The following RARB variants were observed in gnomAD, a reference collection of about 807,000 sequenced individuals.
RARB encodes the protein retinoic acid receptor beta.
A neutral mutation model predicts 51.9 loss-of-function variants in RARB; 17 were observed. That is an observed-to-expected ratio of 0.33 (90% confidence interval 0.22 to 0.49). The LOEUF (loss-of-function observed/expected upper bound fraction) is 0.49. Ranked by LOEUF, RARB falls within the 20% of genes least tolerant of loss-of-function variation. The pLI is 0.99. For synonymous variants in RARB, 215 were observed against 195.4 expected (o/e 1.10, Z -0.84); for missense variants, 369 against 550.8 (o/e 0.67, Z 3.30).
intron 5 of RARB, among the ~76,000 whole-genome samples, chr3:25,323,251 G>A (rs996662926): frequency 2.6e-5 from 4 of 152,164 alleles, no homozygotes; most frequent in African/African-American, 4.8e-5. Context: ...GCAAACCACA[G>A]GACCAGCTCA....
At chr3:25,143,849 T>A (rs1358386458) in intron 4 of RARB, among the ~76,000 whole-genome samples, 2 of 152,166 alleles carry the variant, frequency 1.3e-5, no homozygotes, top group African/African-American at 4.8e-5. Flanking sequence ...GAGGATTAAA[T>A]GAAGTGATGT....
intron 5 of RARB, among the ~76,000 whole-genome samples, chr3:25,380,423 G>C (rs570391704): frequency 6.6e-6 from 1 of 152,310 alleles, no homozygotes; most frequent in South Asian, 2.1e-4. Context: ...CCTTAACTCA[G>C]GTTTAGTTTT....
intron 2 of RARB, among the ~76,000 whole-genome samples, chr3:24,944,046 A>G (rs573596087): frequency 1.3e-5 from 2 of 152,328 alleles, no homozygotes; most frequent in South Asian, 4.1e-4. Context: ...CTTGTAATAT[A>G]TTAATGAAGT....
At chr3:25,089,733 A>G (rs1228340818) in intron 3 of RARB, among the ~76,000 whole-genome samples, 1 of 152,164 alleles carries the variant, frequency 6.6e-6, no homozygotes, top group Non-Finnish European at 1.5e-5. Context: ...GAAGCCAAGA[A>G]TATTTACAAT....
chr3:24,986,419 A>T (rs1369097809), intron 2 of RARB, among the ~76,000 whole-genome samples: 1 of 152,222 alleles, frequency 6.6e-6, no homozygotes, highest in Non-Finnish European at 1.5e-5. Context: ...ATTTTAGAAA[A>T]CTAAAAAGTT....
chr3:25,538,513 C>T (rs1354004201), intron 3 of RARB, among the ~76,000 whole-genome samples: 1 of 152,114 alleles, frequency 6.6e-6, no homozygotes, highest in African/African-American at 2.4e-5. Context: ...AAAGTATGGT[C>T]CATGGACCAG....
chr3:25,005,578 A>C (rs1002834158), intron 2 of RARB, among the ~76,000 whole-genome samples: 4 of 152,314 alleles, frequency 2.6e-5, no homozygotes, highest in Admixed American at 6.5e-5. Context: ...CTTAAGAGAT[A>C]GCAAGATGGA....
At chr3:25,146,971 A>C (rs1320468751) in intron 4 of RARB, among the ~76,000 whole-genome samples, 1 of 152,156 alleles carries the variant, frequency 6.6e-6, no homozygotes, top group Non-Finnish European at 1.5e-5. Flanking sequence ...TGTTTTTAAC[A>C]CTATGAATGC....
intron 2 of RARB, among the ~76,000 whole-genome samples, chr3:24,975,242 C>G (rs1275544419): frequency 6.6e-6 from 1 of 152,058 alleles, no homozygotes; most frequent in Non-Finnish European, 1.5e-5. Context: ...AATTCTATCT[C>G]CCTAATGTTA....
intron 3 of RARB, among the ~76,000 whole-genome samples, chr3:25,081,872 A>G (rs1264696746): frequency 6.6e-6 from 1 of 151,446 alleles, no homozygotes; most frequent in Admixed American, 6.6e-5. Context: ...ACCTCAGGTG[A>G]TCCGCCTGCC....
chr3:25,236,631 G>T (rs941526370), intron 5 of RARB, among the ~76,000 whole-genome samples: 1 of 152,010 alleles, frequency 6.6e-6, no homozygotes, highest in African/African-American at 2.4e-5. Context: ...GCATATAAAA[G>T]CGCTGGTGCT....
chr3:25,468,901 G>A (rs948627325), intron 2 of RARB, among the ~76,000 whole-genome samples: 1 of 152,180 alleles, frequency 6.6e-6, no homozygotes, highest in Non-Finnish European at 1.5e-5. Context: ...ACCTTTGGGG[G>A]CCACAATCCA....
intron 5 of RARB, among the ~76,000 whole-genome samples, chr3:25,592,177 C>T (rs969771482): frequency 2.0e-5 from 3 of 152,180 alleles, no homozygotes; most frequent in African/African-American, 7.2e-5. Flanking sequence ...CCTCAGAGGC[C>T]ACTCCTCTCT....
intron 5 of RARB, among the ~76,000 whole-genome samples, chr3:25,409,451 A>G (rs1360085604): frequency 6.6e-6 from 1 of 152,006 alleles, no homozygotes; most frequent in Non-Finnish European, 1.5e-5. Context: ...TCATAGACTC[A>G]GTTTATTCAA....
intron 1 of RARB, among the ~76,000 whole-genome samples, chr3:25,460,464 T>TTTA (rs1559414270): frequency 1.4e-4 from 10 of 73,664 alleles, no homozygotes; most frequent in Non-Finnish European, 2.2e-4. Flanking sequence ...TTATTTATTT[T>TTTA]TGAGACGGAG....
At position 25,040,622 on chromosome 3, in the gene RARB, GGGAGACTGAGGCAGAAGCTACTCA is replaced by G. The variant is rs1354711578; in HGVS notation, c.-379-19485_-379-19462del. Among the ~76,000 whole-genome samples the G allele has an allele frequency of 2.6e-5, 4 of 152,024 alleles. No individual in the cohort carries two copies. In the South Asian group the frequency reaches 6.2e-4, roughly 24 times the overall value. On this transcript the variant is annotated intron_variant, in intron 2 of 11. Coordinates refer to the RARB transcript ENST00000383772. Reference sequence around the variant, plus strand: ...GTGGTGCATGCCTATTGTCCTGCTCGGGAGACTGAGGCAGAAGCTACTCAGGAGACTGAGGCAGAAGAATTGCTT... The same window carrying G: ...GTGGTGCATGCCTATTGTCCTGCTCGGGAGACTGAGGCAGAAGAATTGCTT...
chr3:24,921,193 ACTT>A (rs1342318244), intron 2 of RARB, among the ~76,000 whole-genome samples: 6 of 152,026 alleles, frequency 3.9e-5, no homozygotes, highest in Admixed American at 1.3e-4. Context: ...TCAGTTTCTG[ACTT>A]CTTCTTTAAA....
rs73141458 is a variant in RARB, at chr3:25,082,608, G to T, written c.-328+22432G>T. On this transcript the variant is annotated intron_variant, in intron 3 of 11. Coordinates refer to the RARB transcript ENST00000383772. ...TTTCTCTAATGTCTTTTACCTTTAG[G>T]TATTTTATGAAATCCAGAGCACATT... 9.6e-3 allele frequency among the ~76,000 whole-genome samples: 1,461 copies of T among 151,706 alleles called. 19 individuals are homozygous for T. The highest frequency in any genetic ancestry group is 0.033 in the African/African-American group (1,383 of 41,374).
chr3:25,136,389 G>A (rs902890195), intron 4 of RARB, among the ~76,000 whole-genome samples: 2 of 151,954 alleles, frequency 1.3e-5, no homozygotes, highest in African/African-American at 4.8e-5. Context: ...AAAAATTCAA[G>A]TGATGATACC....
Sources: gnomAD v4.1 joint callset for allele counts (sites outside exome capture counted in the v4.1 genomes callset) on GRCh38, gnomAD v4.1.1 for gene constraint, MANE v1.5 for transcripts, NCBI Gene and HGNC (gene_info 2026-07-23, HGNC 2026-07-21) for gene names.